DMXL2: variants seen among roughly 807,000 people sequenced by gnomAD.
DMXL2 encodes dmX-like protein 2.
Under a neutral mutation model 331.1 loss-of-function variants are expected in DMXL2, and 103 were observed. That is an observed-to-expected ratio of 0.31 (90% CI 0.27 to 0.37). DMXL2 has a LOEUF of 0.37. DMXL2 is among the 10% of genes least tolerant of loss of function. DMXL2 has a pLI of 1.00. For synonymous variants in DMXL2, 1,281 were observed against 1,252.1 expected, an observed-to-expected ratio of 1.02 and a Z score of -0.49; for missense variants, 3,171 against 3,642.9, an observed-to-expected ratio of 0.87 and a Z score of 3.33.
At chr15:51,543,515 C>A (rs745673521) in intron 8 of DMXL2, among the ~76,000 whole-genome samples, 27 of 152,138 alleles carry the variant, frequency 1.8e-4, no homozygotes, top group Non-Finnish European at 3.4e-4. Flanking sequence ...CTGGTCAAAA[C>A]TGCCTATCAA....
At chr15:51,451,331 T>C (rs576493327) in intron 42 of DMXL2, among the ~76,000 whole-genome samples, 2 of 152,356 alleles carry the variant, frequency 1.3e-5, no homozygotes, top group African/African-American at 4.8e-5. Context: ...TGTTATTTTC[T>C]ATTAAGCTCA....
At chr15:51,573,236 C>T (rs1322639043) in intron 2 of DMXL2, among the ~76,000 whole-genome samples, 1 of 152,212 alleles carries the variant, frequency 6.6e-6, no homozygotes, top group Non-Finnish European at 1.5e-5. Context: ...AACGCTTTTA[C>T]ACTGTTGGTG....
In DMXL2 at chr15:51,458,945, A is replaced by G. The variant is rs146986685; in HGVS notation, c.7990-150T>C. On this transcript the variant is annotated intron_variant, in intron 34 of 43. Transcript: ENST00000560891. ...AGAAAAAAGGGTAAGAGTAACTTTA[A>G]TGTGTTGAAAACTAGCTTTGGAAAA... is the stretch of plus-strand genomic sequence containing the variant. The G allele has an allele frequency of 6.5e-4, 446 of 687,676 alleles. 6 individuals carry two copies. The East Asian group carries it at 0.012, about 18-fold the overall frequency. 42.6% of individuals were successfully genotyped at this position (687,676 alleles called of 1,614,324 possible). A position where few individuals can be genotyped will look rare whatever the true frequency, so the allele number is the denominator to read the frequency against.
At chr15:51,455,942 C>T in intron 39 of DMXL2, 124 bp downstream of exon 39, 2 of 1,145,512 alleles carry the variant, frequency 1.7e-6, no homozygotes, top group Non-Finnish European at 2.5e-6. Context: ...TAGACTCCAA[C>T]AAACTGTCTA....
intron 5 of DMXL2, 150 bp downstream of exon 5, chr15:51,563,975 T>G: frequency 1.4e-6 from 1 of 723,560 alleles, no homozygotes; most frequent in Non-Finnish European, 2.2e-6. Context: ...AAGAATGCTA[T>G]TATATGGGTT....
intron 2 of DMXL2, among the ~76,000 whole-genome samples, chr15:51,570,925 A>T (rs1329356038): frequency 2.6e-5 from 4 of 152,240 alleles, no homozygotes; most frequent in Non-Finnish European, 5.9e-5. Flanking sequence ...GATTAAATTC[A>T]CACATCACAA....
chr15:51,578,288 A>G (rs1440542832), intron 1 of DMXL2, among the ~76,000 whole-genome samples: 1 of 152,178 alleles, frequency 6.6e-6, no homozygotes, highest in African/African-American at 2.4e-5. Context: ...TTATATATCA[A>G]AAAGACATAA....
chr15:51,618,597 T>C (rs530161958), intron 1 of DMXL2, among the ~76,000 whole-genome samples: 4 of 152,220 alleles, frequency 2.6e-5, no homozygotes, highest in Admixed American at 2.6e-4. Flanking sequence ...TACGTTTTCC[T>C]GAAAAGCTAC....
intron 1 of DMXL2, among the ~76,000 whole-genome samples, chr15:51,600,518 GT>G (rs1181355312): frequency 1.3e-4 from 20 of 152,156 alleles, no homozygotes; most frequent in Non-Finnish European, 2.5e-4. Flanking sequence ...GCACTTGCGT[GT>G]CCTAGGTGGC....
chr15:51,468,020 C>A (rs184887823), intron 29 of DMXL2, among the ~76,000 whole-genome samples: 1 of 152,100 alleles, frequency 6.6e-6, no homozygotes, highest in Non-Finnish European at 1.5e-5. Context: ...GCCACCATGC[C>A]GGGCCTGACC....
At chr15:51,553,638 T>C (rs373992653) in intron 6 of DMXL2, among the ~76,000 whole-genome samples, 29 of 152,280 alleles carry the variant, frequency 1.9e-4, no homozygotes, top group African/African-American at 6.7e-4. Flanking sequence ...ACCTACTAAA[T>C]GTGAAAATGA....
chr15:51,451,057 ATTGTC>A (rs1309631708), intron 42 of DMXL2, among the ~76,000 whole-genome samples: 1 of 152,230 alleles, frequency 6.6e-6, no homozygotes, highest in Non-Finnish European at 1.5e-5. Flanking sequence ...TTTGGCAAGT[ATTGTC>A]TTAAAAGGAA....
chr15:51,472,380 CATAAA>C (rs1027249685), intron 28 of DMXL2, among the ~76,000 whole-genome samples: 9 of 152,134 alleles, frequency 5.9e-5, no homozygotes, highest in African/African-American at 1.4e-4. Context: ...GCAAATTTTA[CATAAA>C]ATAAAATTAA....
chr15:51,507,988 T>C (rs1212911003), intron 15 of DMXL2, among the ~76,000 whole-genome samples: 5 of 152,294 alleles, frequency 3.3e-5, no homozygotes, highest in Admixed American at 6.5e-5. Context: ...AATAAAAGCT[T>C]TCCTTAATCA....
rs905085976 is a variant in DMXL2, at chr15:51,512,966, C to A, written c.2644+1476G>T. On this transcript the variant is annotated intron_variant, in intron 15 of 43. Coordinates refer to ENST00000560891, the MANE Select transcript of DMXL2 (RefSeq NM_001378457.1). ...TGTCTATTTTTGGCATTTTTCTTAA[C>A]TAAAAGGGTAATTAACTTTAAATTA... Among the ~76,000 whole-genome samples the A allele has an allele frequency of 6.6e-5, 10 of 151,922 alleles. 1 individual carries two copies. Among genetic ancestry groups the A allele is most frequent in the Admixed American group, 5.9e-4 (9 of 15,234 alleles).
At position 51,498,742 on chromosome 15, in the gene DMXL2, T is replaced by G; in HGVS notation, c.4482A>C (p.Lys1494Asn). 1 of 1,614,188 alleles carries G rather than the reference T, an allele frequency of 6.2e-7. No individual in the cohort carries two copies. The highest frequency in any genetic ancestry group is 8.5e-7 in the Non-Finnish European group (1 of 1,180,012). The change falls in exon 18 of 44, where the codon AAA becomes AAC. Residue 1494 changes from lysine (K) to asparagine (N), a missense_variant. Around this residue, in one of 7 missense-constraint regions of DMXL2, gnomAD observed 1,674 missense variants for 1,780.2 expected, o/e 0.94. Coordinates refer to ENST00000560891, the MANE Select transcript of DMXL2 (RefSeq NM_001378457.1). ...LEPEKRENKSKVINLSQYGPA... is the reference protein window; with the variant it reads ...LEPEKRENKSNVINLSQYGPA... ...GTCCATATTGAGAAAGATTTATTAC[T>G]TTTGATTTGTTTTCTCTCTTTTCAG...
chr15:51,488,670 T>A, intron 20 of DMXL2, 25 bp from the exon 21 acceptor site: 1 of 1,558,842 alleles, frequency 6.4e-7, no homozygotes, highest in Non-Finnish European at 8.8e-7. Context: ...AAATATTAAA[T>A]TCACAATTTG....
intron 2 of DMXL2, among the ~76,000 whole-genome samples, 179 bp from the exon 3 acceptor site, chr15:51,568,737 A>G (rs1217709854): frequency 6.6e-6 from 1 of 152,188 alleles, no homozygotes; most frequent in Non-Finnish European, 1.5e-5. Flanking sequence ...CTGTTATCAA[A>G]AAATTCAGCA....
At chr15:51,621,551 G>T (rs905801776) in intron 1 of DMXL2, among the ~76,000 whole-genome samples, 1 of 152,152 alleles carries the variant, frequency 6.6e-6, no homozygotes, top group Non-Finnish European at 1.5e-5. Context: ...CAATTTATGG[G>T]AGTCTATCTA....
Sources: allele counts gnomAD v4.1 joint callset (sites outside exome capture counted in the v4.1 genomes callset), GRCh38; gene constraint gnomAD v4.1.1; regional missense constraint gnomAD v4.1.1; transcripts MANE v1.5; gene names NCBI Gene and HGNC (gene_info 2026-07-23, HGNC 2026-07-21).